Variants in KCTD3 observed in about 807,000 individuals in gnomAD.
KCTD3 encodes potassium channel tetramerization domain containing 3, also known as BTB/POZ domain-containing protein KCTD3.
A neutral mutation model predicts 85.8 loss-of-function variants in KCTD3; 41 were observed. The ratio of observed to expected loss-of-function variants is 0.48; its 90% confidence interval spans 0.37 to 0.62. KCTD3 has a LOEUF of 0.62. Ranked by LOEUF, KCTD3 falls within the 20% of genes least tolerant of loss-of-function variation. KCTD3 has a pLI of 0.00. For missense variants in KCTD3, 724 were observed against 989.9 expected (o/e 0.73, Z 3.60); for synonymous variants, 338 against 345.4 (o/e 0.98, Z 0.24).
chr1:215,573,448 G>GA lies in KCTD3; in HGVS notation c.84-336dup, dbSNP rs1659445710. ...GTACTGGAGAGATGAGATGGAACCTGAAGGTAATTTTGAATGTTATACTGA... is the reference window on the plus strand; with the variant it reads ...GTACTGGAGAGATGAGATGGAACCTGAAAGGTAATTTTGAATGTTATACTGA... On this transcript the variant is annotated intron_variant, in intron 1 of 17. Coordinates refer to ENST00000259154, the MANE Select transcript of KCTD3 (RefSeq NM_016121.5). 2.0e-5 allele frequency among the ~76,000 whole-genome samples: 3 copies of GA among 152,264 alleles called. No individual in the cohort carries two copies. In the South Asian group the frequency reaches 6.2e-4, roughly 32 times the overall value.
At position 215,579,107 on chromosome 1, in the gene KCTD3, T is replaced by C. The variant is rs1203228831; in HGVS notation, c.505T>C (p.Ser169Pro). ...ARGNGTQPVL[S>P]GTGEETVRLG... The stretch of plus-strand genomic sequence containing the variant: ...GGGAAATGGTACACAGCCTGTTCTC[T>C]CTGGAACGGGAGAAGAAACTGTTAG... Residue 169 changes from serine (S) to proline (P), a missense_variant, in exon 7 of 18, where the codon TCT (serine) becomes CCT (proline). By Grantham distance (74) the Ser-to-Pro change is moderately conservative (BLOSUM62 -1). Around this residue, in one of 6 missense-constraint regions of KCTD3, gnomAD observed 106 missense variants for 98.2 expected, o/e 1.08. Transcript: ENST00000259154. 6.2e-7 allele frequency: 1 copy of C among 1,609,844 alleles called. No individual in the cohort carries two copies. The highest frequency in any genetic ancestry group is 2.2e-5 in the East Asian group (1 of 44,616).
intron 15 of KCTD3, 90 bp from the exon 16 acceptor site, chr1:215,618,796 G>A: frequency 1.0e-6 from 1 of 959,802 alleles, no homozygotes; most frequent in South Asian, 1.6e-5. Flanking sequence ...TAACATGTTT[G>A]CTTTCTTTCT....
chr1:215,585,319 AT>A (rs779418227), intron 8 of KCTD3, among the ~76,000 whole-genome samples: 114 of 152,232 alleles, frequency 7.5e-4, no homozygotes, highest in Non-Finnish European at 1.3e-3. Context: ...AAATTGATAC[AT>A]TTTTCTCTAT....
intron 8 of KCTD3, among the ~76,000 whole-genome samples, chr1:215,584,792 A>T (rs1659947919): frequency 6.6e-6 from 1 of 152,240 alleles, no homozygotes; most frequent in African/African-American, 2.4e-5. Flanking sequence ...CCTGTTACAA[A>T]AGAAAACAGA....
intron 9 of KCTD3, among the ~76,000 whole-genome samples, chr1:215,590,847 T>G (rs958277294): frequency 2.5e-4 from 38 of 152,196 alleles, no homozygotes; most frequent in Admixed American, 4.6e-4. Context: ...TCTAGAGAGT[T>G]TTGATTATGT....
chr1:215,602,155 A>T lies in KCTD3; in HGVS notation c.1092A>T (p.Ser364=), dbSNP rs1654857143. 6.2e-7 allele frequency: 1 copy of T among 1,610,292 alleles called. No homozygotes were observed. Among genetic ancestry groups the T allele is most frequent in the South Asian group, 1.1e-5 (1 of 90,550 alleles). Residue 364 remains serine, a synonymous_variant, in exon 12 of 18, where the codon TCA becomes TCT. Coordinates refer to ENST00000259154, the MANE Select transcript of KCTD3 (RefSeq NM_016121.5). The part of the protein sequence containing the change: ...LLVTELYHDP[S]NDAITALSVY... ...TAACTGAACTGTATCATGATCCTTC[A>T]AATGATGCTATTACTGCTCTGAGTG...
chr1:215,597,890 G>A (rs1654667120), intron 10 of KCTD3, among the ~76,000 whole-genome samples: 1 of 151,908 alleles, frequency 6.6e-6, no homozygotes, highest in South Asian at 2.1e-4. Flanking sequence ...GGGGAGAGAG[G>A]GGATTGACTT....
In KCTD3 at chr1:215,579,154, G is replaced by A. The variant is rs772404490; in HGVS notation, c.535+17G>A. On this transcript the variant is annotated intron_variant, in intron 7 of 17. Transcript: ENST00000259154. ...TTAGGCTAGGTAAGCAAAGATTACA[G>A]AAATAGAAAAAGAAAAATACGTATG... 3.7e-6 allele frequency: 6 copies of A among 1,604,298 alleles called. No homozygotes were observed. In the South Asian group the frequency reaches 6.6e-5, roughly 18 times the overall value.
At position 215,577,064 on chromosome 1, in the gene KCTD3, T is replaced by G. The variant is rs1013671977; in HGVS notation, c.258-606T>G. On this transcript the variant is annotated intron_variant, in intron 4 of 17. Coordinates refer to ENST00000259154, the MANE Select transcript of KCTD3 (RefSeq NM_016121.5). ...TCCATTTTTTAAAAATTTTATTTCA[T>G]GTTACTTAACTTTACTACTATGAAG... 5.9e-5 allele frequency among the ~76,000 whole-genome samples: 9 copies of G among 152,246 alleles called. 1 individual carries two copies. The East Asian group carries it at 1.7e-3, about 29-fold the overall frequency.
intron 15 of KCTD3, among the ~76,000 whole-genome samples, chr1:215,615,287 A>G (rs2102605698): frequency 6.6e-6 from 1 of 152,272 alleles, no homozygotes; most frequent in South Asian, 2.1e-4. Flanking sequence ...GAAGCAAGAA[A>G]AAACCTTGTA....
At chr1:215,576,398 T>A (rs1659585444) in intron 4 of KCTD3, among the ~76,000 whole-genome samples, 1 of 150,514 alleles carries the variant, frequency 6.6e-6, no homozygotes, top group African/African-American at 2.4e-5. Context: ...TTACTAAGAC[T>A]TTGATTAAAA....
At chr1:215,570,767 G>A (rs1442575077) in intron 1 of KCTD3, among the ~76,000 whole-genome samples, 2 of 152,170 alleles carry the variant, frequency 1.3e-5, no homozygotes, top group Non-Finnish European at 2.9e-5. Context: ...GTTGCATGAA[G>A]TATAACTGTG....
chr1:215,589,616 A>G (rs2102574336), intron 9 of KCTD3, among the ~76,000 whole-genome samples: 1 of 152,308 alleles, frequency 6.6e-6, no homozygotes, highest in Admixed American at 6.5e-5. Flanking sequence ...CATAAACTGC[A>G]TTGTTTATGC....
intron 15 of KCTD3, among the ~76,000 whole-genome samples, chr1:215,613,739 C>T (rs572604499): frequency 6.6e-6 from 1 of 152,206 alleles, no homozygotes; most frequent in East Asian, 1.9e-4. Flanking sequence ...AATCCCAGCA[C>T]CATTTATTGA....
intron 9 of KCTD3, among the ~76,000 whole-genome samples, chr1:215,588,592 CAG>C (rs1395912177): frequency 6.6e-6 from 1 of 152,034 alleles, no homozygotes; most frequent in African/African-American, 2.4e-5. Flanking sequence ...AATGTCAACA[CAG>C]ATGTTCTAGA....
chr1:215,604,186 G>C lies in KCTD3; in HGVS notation c.1193G>C (p.Arg398Pro). The C allele has an allele frequency of 6.2e-7, 1 of 1,613,600 alleles. No homozygotes were observed. Among genetic ancestry groups the C allele is most frequent in the African/African-American group, 1.3e-5 (1 of 74,976 alleles). Residue 398 changes from arginine (R) to proline (P), a missense_variant, in exon 13 of 18, where the codon CGA (arginine) becomes CCA (proline). By Grantham distance (103) the Arg-to-Pro change is moderately radical. Coordinates refer to ENST00000259154, the MANE Select transcript of KCTD3 (RefSeq NM_016121.5). Reference protein sequence around the residue: ...IAYGTSSGAVRVIVQHPETVG... With the variant: ...IAYGTSSGAVPVIVQHPETVG... The stretch of plus-strand genomic sequence containing the variant: ...TATGGTACGAGCTCTGGAGCAGTAC[G>C]AGTGATTGTACAACACCCAGAGACA...
chr1:215,577,763 T>G lies in KCTD3; in HGVS notation c.316+35T>G, dbSNP rs755042210. On this transcript the variant is annotated intron_variant, in intron 5 of 17. Coordinates refer to ENST00000259154, the MANE Select transcript of KCTD3 (RefSeq NM_016121.5). Reference sequence around the variant, plus strand: ...CTTTTAATATTTGGTGTTTATGATTTGACTCATGTATGAAAGTTGCCCTAA... The same window carrying G: ...CTTTTAATATTTGGTGTTTATGATTGGACTCATGTATGAAAGTTGCCCTAA... 2 of 1,473,768 alleles carry G rather than the reference T, an allele frequency of 1.4e-6. 1 individual carries two copies. The highest frequency in any genetic ancestry group is 1.9e-6 in the Non-Finnish European group (2 of 1,052,492). 91.3% of individuals were successfully genotyped at this position (1,473,768 alleles called of 1,614,324 possible). A position where few individuals can be genotyped will look rare whatever the true frequency, so the allele number is the denominator to read the frequency against.
intron 17 of KCTD3, 101 bp downstream of exon 17, chr1:215,619,392 C>A: frequency 1.0e-6 from 1 of 991,938 alleles, no homozygotes; most frequent in Non-Finnish European, 1.5e-6. Context: ...CCATACTTCT[C>A]AAGGTACATT....
rs77217914 is a variant in KCTD3, at chr1:215,593,063, A to C, written c.818-2293A>C. ...TTCATTTCTGCCTTTCACATAGCCC[A>C]TAATACTGAATATAGTTGGCTTCAC... On this transcript the variant is annotated intron_variant, in intron 9 of 17. Transcript: ENST00000259154. 2.3e-3 allele frequency among the ~76,000 whole-genome samples: 348 copies of C among 152,326 alleles called. 1 individual carries two copies. The highest frequency in any genetic ancestry group is 4.0e-3 in the Non-Finnish European group (269 of 68,026).
Sources: gnomAD v4.1 joint callset for allele counts (sites outside exome capture counted in the v4.1 genomes callset) on GRCh38, gnomAD v4.1.1 for gene constraint, gnomAD v4.1.1 regional missense constraint, MANE v1.5 for transcripts, NCBI Gene and HGNC (gene_info 2026-07-23, HGNC 2026-07-21) for gene names.